Variants in ZMYM4 observed in about 807,000 individuals in gnomAD.
The protein encoded by ZMYM4 is zinc finger MYM-type protein 4.
Under a neutral mutation model 183.2 loss-of-function variants are expected in ZMYM4, and 31 were observed. That is an observed-to-expected ratio of 0.17 (90% confidence interval 0.13 to 0.23). The LOEUF is 0.23. Among genes scored for constraint, ZMYM4 ranks in the 10% least tolerant of loss-of-function variants. The pLI is 1.00. For synonymous variants in ZMYM4, 592 were observed against 631.2 expected, an observed-to-expected ratio of 0.94 and a Z score of 0.93; for missense variants, 1,273 against 1,840.3, an observed-to-expected ratio of 0.69 and a Z score of 5.64.
intron 1 of ZMYM4, chr1:35,292,361 A>G (rs568557807): frequency 6.6e-6 from 1 of 152,184 alleles, no homozygotes; most frequent in Non-Finnish European, 1.5e-5. Context: ...GGAGGTTACC[A>G]TATTGATGTC....
At chr1:35,316,641 T>G (rs1325367196) in intron 1 of ZMYM4, among the ~76,000 whole-genome samples, 1 of 152,120 alleles carries the variant, frequency 6.6e-6, no homozygotes, top group African/African-American at 2.4e-5. Flanking sequence ...ATTATAAACT[T>G]ATGTGACATT....
intron 2 of ZMYM4, among the ~76,000 whole-genome samples, chr1:35,356,451 G>A (rs141194180): frequency 1.8e-3 from 270 of 152,278 alleles, no homozygotes; most frequent in African/African-American, 6.1e-3. Flanking sequence ...TAAGATTTTA[G>A]CATCTGTTTT....
At chr1:35,332,469 GT>G (rs1269849512) in intron 2 of ZMYM4, among the ~76,000 whole-genome samples, 5 of 149,184 alleles carry the variant, frequency 3.4e-5, no homozygotes, top group African/African-American at 1.2e-4. Context: ...GGAGGCTGAA[GT>G]TGACTGAATG....
At chr1:35,392,528 A>G (rs1644729072) in intron 16 of ZMYM4, 119 bp from the exon 17 acceptor site, 6 of 1,302,920 alleles carry the variant, frequency 4.6e-6, no homozygotes, top group Non-Finnish European at 6.4e-6. Context: ...CTTCCGTTGA[A>G]TTAAAAAAAC....
chr1:35,294,062 G>A (rs1640892018), intron 1 of ZMYM4, among the ~76,000 whole-genome samples: 5 of 151,750 alleles, frequency 3.3e-5, no homozygotes, highest in Admixed American at 3.3e-4. Context: ...TTGAACCCAG[G>A]AGGCAGAGGT....
chr1:35,393,627 A>G lies in ZMYM4; in HGVS notation c.2799A>G (p.Pro933=). ...CTCAAACAGATGCCCTGAAACTGCCACCTTCCCAACCTCCAAGGCTTTTGA... is the reference window on the plus strand; with the variant it reads ...CTCAAACAGATGCCCTGAAACTGCCGCCTTCCCAACCTCCAAGGCTTTTGA... The part of the protein sequence containing the change: ...ASTQTDALKL[P]PSQPPRLLKN... Residue 933 remains proline, a synonymous_variant, in exon 18 of 30, where the codon CCA becomes CCG. Transcript: ENST00000314607. 1 of 1,610,754 alleles carries G rather than the reference A, an allele frequency of 6.2e-7. No individual in the cohort carries two copies. The highest frequency in any genetic ancestry group is 8.5e-7 in the Non-Finnish European group (1 of 1,177,988).
intron 2 of ZMYM4, among the ~76,000 whole-genome samples, chr1:35,344,958 G>A (rs988992795): frequency 4.6e-5 from 7 of 152,132 alleles, no homozygotes; most frequent in Non-Finnish European, 5.9e-5. Context: ...CCGGGCCTGG[G>A]GCCATTCAGA....
chr1:35,373,533 A>G (rs1176605732), intron 7 of ZMYM4, among the ~76,000 whole-genome samples: 5 of 146,080 alleles, frequency 3.4e-5, no homozygotes, highest in African/African-American at 5.1e-5. Flanking sequence ...ATCCGCCACC[A>G]TGCACAGCTA....
At chr1:35,382,649 T>C (rs887278611) in intron 9 of ZMYM4, among the ~76,000 whole-genome samples, 6 of 152,110 alleles carry the variant, frequency 3.9e-5, no homozygotes, top group Admixed American at 2.6e-4. Context: ...TTCACTATAC[T>C]GGCCAGGCTG....
intron 1 of ZMYM4, among the ~76,000 whole-genome samples, chr1:35,315,311 G>A (rs1641995885): frequency 6.6e-6 from 1 of 151,892 alleles, no homozygotes; most frequent in Non-Finnish European, 1.5e-5. Context: ...TAATTCAGTT[G>A]CTTTATTTTA....
chr1:35,301,488 G>T (rs1641274901), intron 1 of ZMYM4, among the ~76,000 whole-genome samples: 1 of 151,332 alleles, frequency 6.6e-6, no homozygotes, highest in African/African-American at 2.4e-5. Flanking sequence ...GGAGGCTGCA[G>T]TGAGCCAAGG....
At chr1:35,376,689 A>G (rs1186080714) in intron 7 of ZMYM4, among the ~76,000 whole-genome samples, 1 of 151,418 alleles carries the variant, frequency 6.6e-6, no homozygotes, top group African/African-American at 2.4e-5. Flanking sequence ...ATGCCCAGCT[A>G]ATTTTTTTGT....
At chr1:35,397,290 T>A in intron 19 of ZMYM4, 87 bp from the exon 20 acceptor site, 2 of 1,355,588 alleles carry the variant, frequency 1.5e-6, no homozygotes, top group Non-Finnish European at 2.0e-6. Context: ...TGTTTACTAT[T>A]TTAATACCTA....
intron 1 of ZMYM4, among the ~76,000 whole-genome samples, chr1:35,294,629 A>G (rs1266720527): frequency 2.0e-5 from 3 of 152,200 alleles, no homozygotes; most frequent in African/African-American, 2.4e-5. Flanking sequence ...TGGATGGTCT[A>G]CTGGCCATTT....
chr1:35,299,901 TCTC>T (rs1416325829), intron 1 of ZMYM4, among the ~76,000 whole-genome samples: 1 of 151,884 alleles, frequency 6.6e-6, no homozygotes, highest in Non-Finnish European at 1.5e-5. Context: ...TTCATGCCAT[TCTC>T]CTGCCGCAGC....
intron 2 of ZMYM4, among the ~76,000 whole-genome samples, chr1:35,345,925 C>T (rs1387677803): frequency 6.6e-6 from 1 of 152,080 alleles, no homozygotes; most frequent in African/African-American, 2.4e-5. Flanking sequence ...AACTGTACAC[C>T]CAATTTCCCA....
chr1:35,376,057 C>G (rs1254372638), intron 7 of ZMYM4, among the ~76,000 whole-genome samples: 1 of 149,772 alleles, frequency 6.7e-6, no homozygotes, highest in Non-Finnish European at 1.5e-5. Context: ...GCCTAGGTGA[C>G]ACAGCAGGAC....
intron 2 of ZMYM4, chr1:35,350,781 T>C: frequency 2.1e-6 from 1 of 482,330 alleles, no homozygotes; most frequent in Non-Finnish European, 3.8e-6. Flanking sequence ...AAGTGAAATT[T>C]AGAAGATGAC....
At chr1:35,326,642 G>A (rs1044804337) in intron 2 of ZMYM4, among the ~76,000 whole-genome samples, 11 of 152,218 alleles carry the variant, frequency 7.2e-5, no homozygotes, top group Middle Eastern at 6.8e-3. Flanking sequence ...AGGGCACAAG[G>A]CAGGAACCAG....
Sources: gnomAD v4.1 joint callset for allele counts (sites outside exome capture counted in the v4.1 genomes callset) on GRCh38, gnomAD v4.1.1 for gene constraint, MANE v1.5 for transcripts, NCBI Gene and HGNC (gene_info 2026-07-23, HGNC 2026-07-21) for gene names.